The following SLX4 variants were observed in gnomAD, a reference collection of about 807,000 sequenced individuals.
SLX4 encodes SLX4 structure-specific endonuclease subunit.
SLX4 carries 112 observed loss-of-function variants against 146.2 expected under a neutral mutation model. The ratio of observed to expected loss-of-function variants is 0.77; its 90% CI spans 0.66 to 0.90. The LOEUF (loss-of-function observed/expected upper bound fraction) is 0.90. Among genes scored for constraint, SLX4 ranks in the 40% least tolerant of loss-of-function variants. The pLI is 0.00. For synonymous variants in SLX4, 1,061 were observed against 997.7 expected, an observed-to-expected ratio of 1.06 and a Z score of -1.20; for missense variants, 2,563 against 2,392.7, an observed-to-expected ratio of 1.07 and a Z score of -1.49.
intron 1 of SLX4, among the ~76,000 whole-genome samples, chr16:3,611,148 C>A (rs1421052905): frequency 6.6e-6 from 1 of 152,268 alleles, no homozygotes; most frequent in Non-Finnish European, 1.5e-5. Context: ...CGGCTCACAG[C>A]AGGCGAGGGA....
In SLX4 at chr16:3,582,089, C is replaced by T. The variant is rs975495836; in HGVS notation, c.*253G>A. 4.2e-5 allele frequency: 24 copies of T among 577,520 alleles called. No homozygotes were observed. The highest frequency in any genetic ancestry group is 4.5e-4 in the Middle Eastern group (1 of 2,202). 35.8% of individuals were successfully genotyped at this position (577,520 alleles called of 1,614,324 possible). A position where few individuals can be genotyped will look rare whatever the true frequency, so the allele number is the denominator to read the frequency against. On this transcript the variant is annotated 3_prime_UTR_variant, in exon 15 of 15. Transcript: ENST00000294008. Reference sequence around the variant, plus strand: ...CAAAAAGGGAGACACACTGTGAGCACGGACAGAGGAAGGGGCTGGAGTCTG... The same window carrying T: ...CAAAAAGGGAGACACACTGTGAGCATGGACAGAGGAAGGGGCTGGAGTCTG...
intron 10 of SLX4, among the ~76,000 whole-genome samples, chr16:3,593,353 C>T (rs1363498613): frequency 6.6e-6 from 1 of 152,208 alleles, no homozygotes; most frequent in Non-Finnish European, 1.5e-5. Flanking sequence ...GGATTACTGG[C>T]GTGAGCCACT....
intron 10 of SLX4, among the ~76,000 whole-genome samples, chr16:3,593,232 C>T (rs989727170): frequency 1.3e-5 from 2 of 152,112 alleles, no homozygotes; most frequent in African/African-American, 2.4e-5. Flanking sequence ...CCACCATGCC[C>T]GGCTAATTTT....
chr16:3,584,236 C>T lies in SLX4; in HGVS notation c.4739+533G>A, dbSNP rs9937425. On this transcript the variant is annotated intron_variant, in intron 13 of 14. Coordinates refer to ENST00000294008, the MANE Select transcript of SLX4 (RefSeq NM_032444.4). ...AGGAGTTCGAGACCAGCCTGGCCAA[C>T]ATGGTGAAACCCCGTCTCTACTAAA... is the stretch of plus-strand genomic sequence containing the variant. Among the ~76,000 whole-genome samples the T allele has an allele frequency of 2.2e-3, 340 of 152,318 alleles. 2 individuals carry two copies. The highest frequency in any genetic ancestry group is 7.7e-3 in the African/African-American group (321 of 41,572).
At position 3,594,481 on chromosome 16, in the gene SLX4, T is replaced by C; in HGVS notation, c.2132A>G (p.Tyr711Cys). 1.2e-6 allele frequency: 2 copies of C among 1,613,912 alleles called. No homozygotes were observed. The highest frequency in any genetic ancestry group is 1.7e-6 in the Non-Finnish European group (2 of 1,179,958). ...CTGGATGAGGAGCGGGCATCGGGCA[T>C]AAAGCACGAACTTGTGGGCGTAAAG... ...EVLYAHKFVL[Y>C]ARCPLLIQYV... The change falls in exon 10 of 15, where the codon TAT becomes TGT. Residue 711 changes from tyrosine (Y) to cysteine (C), a missense_variant. By Grantham distance (194) the Tyr-to-Cys change is radical. Transcript: ENST00000294008.
At chr16:3,592,527 C>T (rs970697557) in intron 11 of SLX4, among the ~76,000 whole-genome samples, 172 bp downstream of exon 11, 2 of 152,254 alleles carry the variant, frequency 1.3e-5, no homozygotes, top group African/African-American at 4.8e-5. Context: ...TTTCACCTAA[C>T]ATGCCCTGTT....
intron 1 of SLX4, among the ~76,000 whole-genome samples, chr16:3,610,783 C>T (rs1328350182): frequency 6.6e-6 from 1 of 152,136 alleles, no homozygotes; most frequent in Non-Finnish European, 1.5e-5. Context: ...ATAAGTGCTC[C>T]ACAACTACTT....
At chr16:3,598,073 G>A (rs2040686788) in intron 5 of SLX4, 74 bp from the exon 6 acceptor site, 1 of 1,562,070 alleles carries the variant, frequency 6.4e-7, no homozygotes, top group East Asian at 2.2e-5. Context: ...ACACTGGTCT[G>A]GAGAGGGCTG....
At position 3,589,469 on chromosome 16, in the gene SLX4, C is replaced by T. The variant is rs1468881862; in HGVS notation, c.4169G>A (p.Gly1390Asp). ...GPSFLNQTPA[G>D]EVVEVGDSDD... The stretch of plus-strand genomic sequence containing the variant: ...ACTGTCTCCGACTTCCACCACTTCA[C>T]CCGCTGGGGTCTGGTTCAGGAAGCT... Residue 1390 changes from glycine (G) to aspartate (D), a missense_variant, in exon 12 of 15, where the codon GGT becomes GAT. Physicochemically the swap from Gly to Asp is moderately conservative, Grantham distance 94. Transcript: ENST00000294008. This position sits in a 1 kb window ranked among gnomAD's most constrained non-coding sequence, Gnocchi z 6.2. 6 of 1,608,482 alleles carry T rather than the reference C, an allele frequency of 3.7e-6. No homozygotes were observed. The highest frequency in any genetic ancestry group is 5.1e-6 in the Non-Finnish European group (6 of 1,175,824).
At position 3,589,395 on chromosome 16, in the gene SLX4, G is replaced by A. The variant is rs1430776066; in HGVS notation, c.4243C>T (p.Leu1415=). ...ASHQANRSPP[L]DSDPPIPIDD... ...ATTGGAATTGGGGGGTCACTGTCCAGTGGGGGGCTTCTGTTGGCCTGATGG... is the reference window on the plus strand; with the variant it reads ...ATTGGAATTGGGGGGTCACTGTCCAATGGGGGGCTTCTGTTGGCCTGATGG... The change falls in exon 12 of 15, where the codon CTG becomes TTG. Residue 1415 remains leucine (L), a synonymous_variant. Coordinates refer to ENST00000294008, the MANE Select transcript of SLX4 (RefSeq NM_032444.4). This position sits in a 1 kb window ranked among gnomAD's most constrained non-coding sequence, Gnocchi z 6.2. The A allele has an allele frequency of 1.9e-6, 3 of 1,599,708 alleles. No individual in the cohort carries two copies. The highest frequency in any genetic ancestry group is 2.2e-5 in the South Asian group (2 of 90,572).
In SLX4 at chr16:3,597,909, G is replaced by A. The variant is rs768589697; in HGVS notation, c.1254C>T (p.Ser418=). 7.4e-6 allele frequency: 12 copies of A among 1,613,986 alleles called. No homozygotes were observed. The highest frequency in any genetic ancestry group is 4.4e-5 in the South Asian group (4 of 91,088). Residue 418 remains serine, a synonymous_variant, in exon 6 of 15, where the codon TCC becomes TCT. Transcript: ENST00000294008. The surrounding 1 kb of genome is among the most constrained non-coding windows in gnomAD (Gnocchi z 4.4). Reference sequence around the variant, plus strand: ...GAGCCATGGCCACCAGCAGGTCCTCGGACGGTGCCTCGTCCACCTTCCGCC... The same window carrying A: ...GAGCCATGGCCACCAGCAGGTCCTCAGACGGTGCCTCGTCCACCTTCCGCC... The part of the protein sequence containing the change: ...RKRRKVDEAP[S]EDLLVAMALS...
chr16:3,595,585 G>A lies in SLX4; in HGVS notation c.2013+20C>T, dbSNP rs779231117. 1.8e-5 allele frequency: 29 copies of A among 1,612,848 alleles called. No individual in the cohort carries two copies. The highest frequency in any genetic ancestry group is 1.1e-4 in the East Asian group (5 of 44,880). The stretch of plus-strand genomic sequence containing the variant: ...TGGGATGGCCGGGACCAGAGAGCGC[G>A]GGCCAGAGCCAGTTCTTACCAAGGT... On this transcript the variant is annotated intron_variant, in intron 9 of 14. Coordinates refer to ENST00000294008, the MANE Select transcript of SLX4 (RefSeq NM_032444.4).
At position 3,605,588 on chromosome 16, in the gene SLX4, TGAGGG is replaced by T. The variant is rs2040773168; in HGVS notation, c.760+881_760+885del. Among the ~76,000 whole-genome samples the T allele has an allele frequency of 3.3e-5, 5 of 152,216 alleles. No homozygotes were observed. The South Asian group carries it at 1.0e-3, about 32-fold the overall frequency. On this transcript the variant is annotated intron_variant, in intron 3 of 14. Transcript: ENST00000294008. ...GAAAGGAAGAGTTCTTTGTGAATACTGAGGGTTATCTTTTTAAAAGGAAAAAACTG... is the reference window on the plus strand; with the variant it reads ...GAAAGGAAGAGTTCTTTGTGAATACTTTATCTTTTTAAAAGGAAAAAACTG...
At position 3,582,259 on chromosome 16, in the gene SLX4, C is replaced by T. The variant is rs571455311; in HGVS notation, c.*83G>A. The T allele has an allele frequency of 5.7e-5, 72 of 1,259,950 alleles. No individual in the cohort carries two copies. In the South Asian group the frequency reaches 6.4e-4, roughly 11 times the overall value. 78.0% of individuals were successfully genotyped at this position (1,259,950 alleles called of 1,614,324 possible). ...GAAATGCCTGTGGAGGCCTGACCCA[C>T]GCTGGGTGTCCCAGGTCCTCCCTGC... On this transcript the variant is annotated 3_prime_UTR_variant, in exon 15 of 15. Transcript: ENST00000294008.
chr16:3,589,267 C>A lies in SLX4; in HGVS notation c.4371G>T (p.Arg1457Ser), dbSNP rs745485209. ...GPLSTSSPSR[R>S]MNEAADSRDC... Reference sequence around the variant, plus strand: ...CACGGCTGTCGGCGGCCTCGTTCATCCTGCGGCTGGGGCTGCTGGTGCTCA... The same window carrying A: ...CACGGCTGTCGGCGGCCTCGTTCATACTGCGGCTGGGGCTGCTGGTGCTCA... Residue 1457 changes from arginine (R) to serine (S), a missense_variant, in exon 12 of 15, where the codon AGG becomes AGT. Arg to Ser is a moderately radical substitution (Grantham distance 110). Coordinates refer to ENST00000294008, the MANE Select transcript of SLX4 (RefSeq NM_032444.4). The surrounding 1 kb of genome is among the most constrained non-coding windows in gnomAD (Gnocchi z 6.2). The A allele has an allele frequency of 2.5e-6, 4 of 1,600,984 alleles. No individual in the cohort carries two copies. The highest frequency in any genetic ancestry group is 4.5e-5 in the East Asian group (2 of 44,696).
intron 1 of SLX4, among the ~76,000 whole-genome samples, chr16:3,609,785 TATTAAA>T (rs1206823436): frequency 1.3e-5 from 2 of 152,186 alleles, no homozygotes; most frequent in Non-Finnish European, 2.9e-5. Context: ...CTTCCACAGG[TATTAAA>T]ATATGTGCAT....
intron 3 of SLX4, among the ~76,000 whole-genome samples, chr16:3,604,826 A>AC (rs1489080181): frequency 6.6e-6 from 1 of 151,924 alleles, no homozygotes; most frequent in East Asian, 1.9e-4. Context: ...TCTCAAAAAA[A>AC]AAAAAAAATG....
At position 3,608,808 on chromosome 16, in the gene SLX4, C is replaced by A; in HGVS notation, c.157G>T (p.Glu53Ter). Residue 53 changes from glutamate (E) to a stop codon, truncating the protein, a stop_gained, in exon 2 of 15, where the codon GAA becomes TAA. Coordinates refer to ENST00000294008, the MANE Select transcript of SLX4 (RefSeq NM_032444.4). LOFTEE classifies it high-confidence loss of function. ...CTTTGGAAAAAGCTAGCGCAGAGTT[C>A]TTTAAAGTCCTCATCAGACTCATCC... ...MMDESDEDFK[E>*]LCASFFQRVK... is the part of the protein sequence containing the mutation. 1 of 1,614,134 alleles carries A rather than the reference C, an allele frequency of 6.2e-7. No individual in the cohort carries two copies. Among genetic ancestry groups the A allele is most frequent in the African/African-American group, 1.3e-5 (1 of 75,002 alleles).
chr16:3,598,337 C>CT (rs1268274262), intron 5 of SLX4, among the ~76,000 whole-genome samples: 1 of 152,228 alleles, frequency 6.6e-6, no homozygotes, highest in African/African-American at 2.4e-5. Flanking sequence ...AGCAGGCTCC[C>CT]TGGACTCCCA....
Sources: allele counts gnomAD v4.1 joint callset (sites outside exome capture counted in the v4.1 genomes callset), GRCh38; gene constraint gnomAD v4.1.1; non-coding constraint Gnocchi (gnomAD v3.1); transcripts MANE v1.5; gene names NCBI Gene and HGNC (gene_info 2026-07-23, HGNC 2026-07-21).